KLHL32: variants seen among roughly 807,000 people sequenced by gnomAD.
KLHL32 encodes the protein kelch-like protein 32.
A neutral mutation model predicts 64.8 loss-of-function variants in KLHL32; 35 were observed. The ratio of observed to expected loss-of-function variants is 0.54; its 90% CI spans 0.41 to 0.72. KLHL32 has a LOEUF of 0.72. KLHL32 is among the 30% of genes least tolerant of loss of function. The pLI is 0.00. For missense variants in KLHL32, 589 were observed against 768.5 expected, an observed-to-expected ratio of 0.77 and a Z score of 2.76; for synonymous variants, 259 against 281.0, an observed-to-expected ratio of 0.92 and a Z score of 0.78.
intron 4 of KLHL32, among the ~76,000 whole-genome samples, chr6:97,054,121 T>C (rs1056170846): frequency 6.6e-6 from 1 of 152,108 alleles, no homozygotes; most frequent in Non-Finnish European, 1.5e-5. Flanking sequence ...AGCAAAAATA[T>C]ATGGTCAAAT....
rs566551369 is a variant in KLHL32, at chr6:97,000,911, A to G, written c.204+24734A>G. ...GGGTGAAACTTGAATTTATATTACA[A>G]AGTGAATGAAGCCAGTCTAAAAAGA... On this transcript the variant is annotated intron_variant, in intron 3 of 10. Coordinates refer to ENST00000369261, the MANE Select transcript of KLHL32 (RefSeq NM_052904.4). Among the ~76,000 whole-genome samples the G allele has an allele frequency of 4.3e-4, 66 of 152,344 alleles. 1 individual carries two copies. Among genetic ancestry groups the G allele is most frequent in the African/African-American group, 1.5e-3 (64 of 41,574 alleles).
chr6:97,010,566 A>G (rs745550611), intron 3 of KLHL32, among the ~76,000 whole-genome samples: 1 of 152,232 alleles, frequency 6.6e-6, no homozygotes, highest in African/African-American at 2.4e-5. Context: ...TGAAGAATTT[A>G]TCCCTCATGT....
chr6:97,018,479 G>C (rs1466806612), intron 3 of KLHL32, among the ~76,000 whole-genome samples: 2 of 150,998 alleles, frequency 1.3e-5, no homozygotes, highest in African/African-American at 2.4e-5. Context: ...TGTGATCCCA[G>C]CTGCTCAGGA....
intron 3 of KLHL32, among the ~76,000 whole-genome samples, chr6:97,000,501 C>T (rs1338486775): frequency 1.3e-5 from 2 of 152,180 alleles, no homozygotes; most frequent in Non-Finnish European, 2.9e-5. Context: ...CACAGACAGA[C>T]TACTTTGAGG....
intron 5 of KLHL32, among the ~76,000 whole-genome samples, chr6:97,071,257 G>A (rs1790667511): frequency 6.6e-6 from 1 of 152,014 alleles, no homozygotes. Context: ...GGTCACCAAA[G>A]CCTCCTTATT....
chr6:96,963,688 T>C (rs982493684), intron 1 of KLHL32, among the ~76,000 whole-genome samples: 12 of 152,246 alleles, frequency 7.9e-5, no homozygotes, highest in Non-Finnish European at 1.5e-4. Context: ...GATGGATACT[T>C]AAAATTTTAA....
In KLHL32 at chr6:97,113,881, T is replaced by A; in HGVS notation, c.726T>A (p.His242Gln). Reference sequence around the variant, plus strand: ...GCCTAATGGATGTGGATACTCTCCATACAGTTGCCCTGTCCCACCCCCTTG... The same window carrying A: ...GCCTAATGGATGTGGATACTCTCCAAACAGTTGCCCTGTCCCACCCCCTTG... ...RFGLMDVDTL[H>Q]TVALSHPLVQ... Residue 242 changes from histidine (H) to glutamine (Q), a missense_variant, in exon 7 of 11, where the codon CAT becomes CAA. His to Gln is a conservative substitution (Grantham distance 24). Transcript: ENST00000369261. The A allele has an allele frequency of 6.2e-7, 1 of 1,614,140 alleles. No individual in the cohort carries two copies. Among genetic ancestry groups the A allele is most frequent in the Non-Finnish European group, 8.5e-7 (1 of 1,180,020 alleles).
intron 5 of KLHL32, among the ~76,000 whole-genome samples, chr6:97,082,201 C>T (rs770290489): frequency 8.5e-5 from 13 of 152,136 alleles, no homozygotes; most frequent in Non-Finnish European, 8.8e-5. Flanking sequence ...ACAGGACTGG[C>T]GATTGACTAG....
At position 96,979,541 on chromosome 6, in the gene KLHL32, C is replaced by T. The variant is rs147187286; in HGVS notation, c.204+3364C>T. Among the ~76,000 whole-genome samples, 1,256 of 152,252 alleles carry T rather than the reference C, an allele frequency of 8.2e-3. 8 individuals carry two copies. Among genetic ancestry groups the T allele is most frequent in the African/African-American group, 0.014 (592 of 41,546 alleles). ...TATCATGCTGTTTTGGTTATTGTAGCCTTGTAGTATAGTTTGAACTTGGGT... is the reference window on the plus strand; with the variant it reads ...TATCATGCTGTTTTGGTTATTGTAGTCTTGTAGTATAGTTTGAACTTGGGT... On this transcript the variant is annotated intron_variant, in intron 3 of 10. Transcript: ENST00000369261.
chr6:97,107,802 G>T (rs1294424856), intron 6 of KLHL32, among the ~76,000 whole-genome samples: 1 of 152,220 alleles, frequency 6.6e-6, no homozygotes, highest in South Asian at 2.1e-4. Flanking sequence ...GTGTATGTAT[G>T]TGTGAATAAA....
chr6:96,983,929 ATG>A (rs980286428), intron 3 of KLHL32, among the ~76,000 whole-genome samples: 27 of 151,932 alleles, frequency 1.8e-4, no homozygotes, highest in African/African-American at 6.5e-4. Flanking sequence ...TAGCTTTTGA[ATG>A]TGTTTGCTCT....
chr6:97,096,965 T>C (rs1209363976), intron 6 of KLHL32, among the ~76,000 whole-genome samples: 3 of 152,228 alleles, frequency 2.0e-5, no homozygotes, highest in Non-Finnish European at 4.4e-5. Context: ...GAAGCCTTTT[T>C]AGTCATTTTG....
chr6:96,918,167 T>A, the KLHL32 span, among the ~76,000 whole-genome samples: 1 of 152,184 alleles, frequency 6.6e-6, no homozygotes, highest in African/African-American at 2.4e-5. Flanking sequence ...AAGGCAGCCA[T>A]GTAGTCTCAC....
At chr6:97,106,310 G>C (rs1184036300) in intron 6 of KLHL32, among the ~76,000 whole-genome samples, 1 of 151,970 alleles carries the variant, frequency 6.6e-6, no homozygotes, top group Non-Finnish European at 1.5e-5. Context: ...ATTATGTTTA[G>C]GATTATATAT....
intron 3 of KLHL32, among the ~76,000 whole-genome samples, chr6:97,014,909 C>A (rs1780936892): frequency 1.3e-5 from 2 of 152,180 alleles, no homozygotes. Flanking sequence ...GAATTTTAAT[C>A]CCCATAATCC....
intron 3 of KLHL32, among the ~76,000 whole-genome samples, chr6:97,002,696 G>A (rs1411053755): frequency 1.3e-5 from 2 of 152,064 alleles, no homozygotes; most frequent in Admixed American, 6.6e-5. Context: ...TCAGTGTTTA[G>A]CTCCCACTTA....
chr6:97,100,070 A>G (rs1795503807), intron 6 of KLHL32, among the ~76,000 whole-genome samples: 1 of 152,110 alleles, frequency 6.6e-6, no homozygotes, highest in African/African-American at 2.4e-5. Context: ...TGAACCCAGG[A>G]GGTGGAGGTA....
At chr6:97,030,436 G>A (rs1783371785) in intron 3 of KLHL32, among the ~76,000 whole-genome samples, 1 of 152,174 alleles carries the variant, frequency 6.6e-6, no homozygotes, top group African/African-American at 2.4e-5. Flanking sequence ...CTCCCTCTGT[G>A]GTAGGCACTT....
At chr6:97,091,772 A>G (rs750818649) in intron 6 of KLHL32, among the ~76,000 whole-genome samples, 1 of 152,186 alleles carries the variant, frequency 6.6e-6, no homozygotes, top group East Asian at 1.9e-4. Flanking sequence ...CAGCTTCGCA[A>G]ACCTTTGTCA....
Sources: allele counts gnomAD v4.1 joint callset (sites outside exome capture counted in the v4.1 genomes callset), GRCh38; gene constraint gnomAD v4.1.1; transcripts MANE v1.5; gene names NCBI Gene and HGNC (gene_info 2026-07-23, HGNC 2026-07-21).